DHH: variants seen among roughly 807,000 people sequenced by gnomAD.
The protein encoded by DHH is desert hedgehog signaling molecule, also known as desert hedgehog protein.
Under a neutral mutation model 27.6 loss-of-function variants are expected in DHH, and 16 were observed. The ratio of observed to expected loss-of-function variants is 0.58; its 90% CI spans 0.39 to 0.88. The LOEUF is 0.88. Among genes scored for constraint, DHH ranks in the 40% least tolerant of loss-of-function variants. DHH has a pLI of 0.00. For missense variants in DHH, 436 were observed against 563.1 expected (o/e 0.77, Z 2.28); for synonymous variants, 289 against 263.4 (o/e 1.10, Z -0.94).
chr12:49,089,731 C>A lies in DHH; in HGVS notation c.*128G>T. The A allele has an allele frequency of 3.1e-6, 4 of 1,305,962 alleles. No homozygotes were observed. Among genetic ancestry groups the A allele is most frequent in the African/African-American group, 1.5e-5 (1 of 66,280 alleles). The allele number at this position is 1,305,962 out of a possible 1,614,324, so 80.9% of individuals were successfully genotyped here. On this transcript the variant is annotated 3_prime_UTR_variant, in exon 3 of 3. Coordinates refer to ENST00000649637, the MANE Select transcript of DHH (RefSeq NM_021044.4). ...GAGGTTGCCCCTAAGCCAGGCATAGCCCCATTTTCTCCCTCCCCCTCCCTC... is the reference window on the plus strand; with the variant it reads ...GAGGTTGCCCCTAAGCCAGGCATAGACCCATTTTCTCCCTCCCCCTCCCTC...
rs780967031 is a variant in DHH at position 49,094,426 on chromosome 12, C to A, written c.87G>T (p.Pro29=). 6.2e-7 allele frequency: 1 copy of A among 1,606,064 alleles called. No homozygotes were observed. The highest frequency in any genetic ancestry group is 8.5e-7 in the Non-Finnish European group (1 of 1,176,714). ...PAQSCGPGRG[P]VGRRRYARKQ... is the part of the protein sequence containing the mutation. ...TGCGCGCATAGCGGCGCCGGCCAAC[C>A]GGCCCCCGGCCCGGCCCGCAGCTCT... The change falls in exon 1 of 3, where the codon CCG becomes CCT. Residue 29 remains proline (P), a synonymous_variant. Transcript: ENST00000649637.
chr12:49,091,188 C>T lies in DHH; in HGVS notation c.505G>A (p.Ala169Thr). 6.2e-7 allele frequency: 1 copy of T among 1,614,232 alleles called. No homozygotes were observed. Among genetic ancestry groups the T allele is most frequent in the Non-Finnish European group, 8.5e-7 (1 of 1,180,038 alleles). Reference protein sequence around the residue: ...YGLLARLAVEAGFDWVYYESR... With the variant: ...YGLLARLAVETGFDWVYYESR... Reference sequence around the variant, plus strand: ...TCGTAGTAGACCCAGTCGAAGCCGGCTTCCACTGCGAGGCGCGCCAGCAAC... The same window carrying T: ...TCGTAGTAGACCCAGTCGAAGCCGGTTTCCACTGCGAGGCGCGCCAGCAAC... The change falls in exon 2 of 3, where the codon GCC becomes ACC. Residue 169 changes from alanine to threonine, a missense_variant. Coordinates refer to ENST00000649637, the MANE Select transcript of DHH (RefSeq NM_021044.4). The surrounding 1 kb of genome is among the most constrained non-coding windows in gnomAD (Gnocchi z 4.8).
In DHH at chr12:49,091,281, C is replaced by G; in HGVS notation, c.412G>C (p.Asp138His). Residue 138 changes from aspartate to histidine, a missense_variant, in exon 2 of 3, where the codon GAT (aspartate) becomes CAT (histidine). Asp to His is a moderately conservative substitution (Grantham distance 81, BLOSUM62 -1). Transcript: ENST00000649637. The surrounding 1 kb of genome is among the most constrained non-coding windows in gnomAD (Gnocchi z 4.8). ...GWDEDGHHAQ[D>H]SLHYEGRALD... ...GCACGGCCTTCGTAGTGGAGTGAAT[C>G]CTGAGCGTGGTGGCCGTCCTCGTCC... is the stretch of plus-strand genomic sequence containing the variant. 1 of 1,614,210 alleles carries G rather than the reference C, an allele frequency of 6.2e-7. No homozygotes were observed. Among genetic ancestry groups the G allele is most frequent in the Non-Finnish European group, 8.5e-7 (1 of 1,180,036 alleles).
chr12:49,091,118 C>G lies in DHH; in HGVS notation c.565+10G>C. On this transcript the variant is annotated intron_variant, in intron 2 of 2. Transcript: ENST00000649637. This position sits in a 1 kb window ranked among gnomAD's most constrained non-coding sequence, Gnocchi z 4.8. The stretch of plus-strand genomic sequence containing the variant: ...TTTGGGCGGATTTTACCACCCTCCT[C>G]CTACTGTACCAGCTTTGACCGACAC... The G allele has an allele frequency of 6.2e-7, 1 of 1,614,244 alleles. No homozygotes were observed. The highest frequency in any genetic ancestry group is 1.1e-5 in the South Asian group (1 of 91,090).
rs573270585 is a variant in DHH at position 49,088,391 on chromosome 12, A to C, written c.*1468T>G. On this transcript the variant is annotated 3_prime_UTR_variant, in exon 3 of 3. Coordinates refer to ENST00000649637, the MANE Select transcript of DHH (RefSeq NM_021044.4). ...TCTGAGACCGCTTGCCTTCCGTTTCAGAGAACCATATGCATAGGCCTAGAA... is the reference window on the plus strand; with the variant it reads ...TCTGAGACCGCTTGCCTTCCGTTTCCGAGAACCATATGCATAGGCCTAGAA... Among the ~76,000 whole-genome samples the C allele has an allele frequency of 6.6e-6, 1 of 152,264 alleles. No individual in the cohort carries two copies. Among genetic ancestry groups the C allele is most frequent in the East Asian group, 1.9e-4 (1 of 5,180 alleles).
rs750761379 is a variant in DHH, at chr12:49,091,369, G to A, written c.324C>T (p.Asn108=). 1.2e-6 allele frequency: 2 copies of A among 1,614,190 alleles called. No homozygotes were observed. Among genetic ancestry groups the A allele is most frequent in the East Asian group, 2.2e-5 (1 of 44,884 alleles). ...LMTERCKERV[N]ALAIAVMNMW... ...TGTTCATCACGGCAATGGCCAAAGC[G>A]TTCACCCGCTCCTTACAACGCTGGC... Residue 108 remains asparagine (N), a synonymous_variant, in exon 2 of 3, where the codon AAC becomes AAT. Coordinates refer to ENST00000649637, the MANE Select transcript of DHH (RefSeq NM_021044.4). This position sits in a 1 kb window ranked among gnomAD's most constrained non-coding sequence, Gnocchi z 4.8.
At chr12:49,092,428 C>G (rs909596163) in intron 1 of DHH, 12 of 152,272 alleles carry the variant, frequency 7.9e-5, no homozygotes, top group African/African-American at 2.7e-4. Flanking sequence ...CCGCTCCAGC[C>G]TGGGAGCGGG....
rs117527954 is a variant in DHH, at chr12:49,091,150, G to A, written c.543C>T (p.His181=). 0.011 allele frequency: 17,450 copies of A among 1,614,248 alleles called. 139 individuals are homozygous for A. Among genetic ancestry groups the A allele is most frequent in the South Asian group, 0.025 (2,286 of 91,082 alleles). Residue 181 remains histidine, a synonymous_variant, in exon 2 of 3, where the codon CAC becomes CAT. Transcript: ENST00000649637. This position sits in a 1 kb window ranked among gnomAD's most constrained non-coding sequence, Gnocchi z 4.8. ...TACCAGCTTTGACCGACACGTGGAC[G>A]TGGTTGCGGGACTCGTAGTAGACCC... The part of the protein sequence containing the change: ...FDWVYYESRN[H]VHVSVKADNS...
At position 49,090,170 on chromosome 12, in the gene DHH, G is replaced by T; in HGVS notation, c.880C>A (p.Leu294Ile). 2 of 1,545,238 alleles carry T rather than the reference G, an allele frequency of 1.3e-6. No homozygotes were observed. The highest frequency in any genetic ancestry group is 2.4e-5 in the South Asian group (2 of 83,824). The change falls in exon 3 of 3, where the codon CTA (leucine) becomes ATA (isoleucine). Residue 294 changes from leucine to isoleucine, a missense_variant. By Grantham distance (5) the Leu-to-Ile change is conservative. Transcript: ENST00000649637. This position sits in a 1 kb window ranked among gnomAD's most constrained non-coding sequence, Gnocchi z 5.2. ...GCCAGCACCGAGTCCCCAGCGCGTA[G>T]CCGGCGCGCGAACACCGGTGCAAAG... The part of the protein sequence containing the change: ...GDFAPVFARR[L>I]RAGDSVLAPG...
chr12:49,094,148 T>A (rs879467124), intron 1 of DHH, 62 bp downstream of exon 1: 2 of 1,589,524 alleles, frequency 1.3e-6, no homozygotes, highest in Non-Finnish European at 1.7e-6. Flanking sequence ...CCACCTGGGC[T>A]GCCATAGGAA....
Position 49,094,588 on chromosome 12 carries a change from G to T in DHH, c.-76C>A. ...TCCTGTCAGTTAGGCATCTCCACAG[G>T]CACCAGAGAGGGCAGCAGGCACAGC... On this transcript the variant is annotated 5_prime_UTR_variant, in exon 1 of 3. Coordinates refer to ENST00000649637, the MANE Select transcript of DHH (RefSeq NM_021044.4). The T allele has an allele frequency of 2.0e-6, 3 of 1,488,314 alleles. No homozygotes were observed. Among genetic ancestry groups the T allele is most frequent in the Admixed American group, 2.0e-5 (1 of 50,890 alleles). 92.2% of individuals were successfully genotyped at this position (1,488,314 alleles called of 1,614,324 possible). A position where few individuals can be genotyped will look rare whatever the true frequency, so the allele number is the denominator to read the frequency against.
rs1329430540 is a variant in DHH at position 49,090,430 on chromosome 12, C to T, written c.620G>A (p.Arg207His). 1 of 1,608,982 alleles carries T rather than the reference C, an allele frequency of 6.2e-7. No individual in the cohort carries two copies. The highest frequency in any genetic ancestry group is 8.5e-7 in the Non-Finnish European group (1 of 1,179,538). The change falls in exon 3 of 3, where the codon CGC becomes CAC. Residue 207 changes from arginine to histidine, a missense_variant. Coordinates refer to ENST00000649637, the MANE Select transcript of DHH (RefSeq NM_021044.4). The surrounding 1 kb of genome is among the most constrained non-coding windows in gnomAD (Gnocchi z 5.2). ...GGCFPGNATVRLWSGERKGLR... is the reference protein window; with the variant it reads ...GGCFPGNATVHLWSGERKGLR... ...CCCTTTCCGCTCGCCGCTCCACAGG[C>T]GCACAGTTGCATTTCCCGGAAAGCA...
rs1315428470 is a variant in DHH, at chr12:49,088,997, G to GA, written c.*861dup. ...CATCAGTTGGCCCAGTGGCATATCA[G>GA]AAAAAACATCCACCCCATCCAGGCC... is the stretch of plus-strand genomic sequence containing the variant. On this transcript the variant is annotated 3_prime_UTR_variant, in exon 3 of 3. Transcript: ENST00000649637. Among the ~76,000 whole-genome samples, 2 of 152,304 alleles carry GA rather than the reference G, an allele frequency of 1.3e-5. No individual in the cohort carries two copies. Among genetic ancestry groups the GA allele is most frequent in the East Asian group, 3.9e-4 (2 of 5,190 alleles).
Position 49,090,397 on chromosome 12 carries a change from T to G in DHH, c.653A>C (p.Glu218Ala). ...LWSGERKGLR[E>A]LHRGDWVLAA... ...CAAAACCCAGTCTCCGCGGTGCAGTTCCCGCAGCCCTTTCCGCTCGCCGCT... is the reference window on the plus strand; with the variant it reads ...CAAAACCCAGTCTCCGCGGTGCAGTGCCCGCAGCCCTTTCCGCTCGCCGCT... Residue 218 changes from glutamate to alanine, a missense_variant, in exon 3 of 3, where the codon GAA becomes GCA. By Grantham distance (107) the Glu-to-Ala change is moderately radical. Coordinates refer to ENST00000649637, the MANE Select transcript of DHH (RefSeq NM_021044.4). This position sits in a 1 kb window ranked among gnomAD's most constrained non-coding sequence, Gnocchi z 5.2. The G allele has an allele frequency of 6.2e-7, 1 of 1,609,858 alleles. No individual in the cohort carries two copies. The highest frequency in any genetic ancestry group is 2.2e-5 in the East Asian group (1 of 44,788).
rs1939278799 is a variant in DHH at position 49,090,438 on chromosome 12, T to C, written c.612A>G (p.Ala204=). 6.2e-7 allele frequency: 1 copy of C among 1,608,484 alleles called. No individual in the cohort carries two copies. Among genetic ancestry groups the C allele is most frequent in the Non-Finnish European group, 8.5e-7 (1 of 1,179,696 alleles). Residue 204 remains alanine, a synonymous_variant, in exon 3 of 3, where the codon GCA becomes GCG. Transcript: ENST00000649637. This position sits in a 1 kb window ranked among gnomAD's most constrained non-coding sequence, Gnocchi z 5.2. ...VRAGGCFPGN[A]TVRLWSGERK... The stretch of plus-strand genomic sequence containing the variant: ...GCTCGCCGCTCCACAGGCGCACAGT[T>C]GCATTTCCCGGAAAGCAGCCGCCCG...
rs958890753 is a variant in DHH at position 49,089,622 on chromosome 12, G to A, written c.*237C>T. 4.9e-6 allele frequency: 2 copies of A among 405,944 alleles called. No homozygotes were observed. The highest frequency in any genetic ancestry group is 8.6e-6 in the Non-Finnish European group (2 of 231,746). The allele number at this position is 405,944 out of a possible 1,614,324, so 25.1% of individuals were successfully genotyped here. ...ATTATCGGGTGGGGCTGAAGCACTG[G>A]GGGAGAGGCTAAATAGTCCTCTTTA... On this transcript the variant is annotated 3_prime_UTR_variant, in exon 3 of 3. Transcript: ENST00000649637.
chr12:49,090,017 C>T lies in DHH; in HGVS notation c.1033G>A (p.Ala345Thr). Residue 345 changes from alanine (A) to threonine (T), a missense_variant, in exon 3 of 3, where the codon GCG becomes ACG. Physicochemically the swap from Ala to Thr is moderately conservative, Grantham distance 58. Transcript: ENST00000649637. This position sits in a 1 kb window ranked among gnomAD's most constrained non-coding sequence, Gnocchi z 5.2. ...GCCCACTGGTGACTCTCCAGAACCG[C>T]GTAGCAAGAGGCCAGGACATCGTTC... ...LVNDVLASCY[A>T]VLESHQWAHR... 6 of 1,558,800 alleles carry T rather than the reference C, an allele frequency of 3.8e-6. No homozygotes were observed. The highest frequency in any genetic ancestry group is 5.2e-6 in the Non-Finnish European group (6 of 1,152,986).
At position 49,090,117 on chromosome 12, in the gene DHH, C is replaced by A; in HGVS notation, c.933G>T (p.Ala311=). Residue 311 remains alanine (A), a synonymous_variant, in exon 3 of 3, where the codon GCG becomes GCT. Coordinates refer to ENST00000649637, the MANE Select transcript of DHH (RefSeq NM_021044.4). The surrounding 1 kb of genome is among the most constrained non-coding windows in gnomAD (Gnocchi z 5.2). ...LAPGGDALRP[A]RVARVAREEA... is the part of the protein sequence containing the mutation. ...CCTCCCGCGCCACACGGGCCACGCG[C>A]GCTGGCCGAAGCGCATCCCCGCCGG... 6.6e-7 allele frequency: 1 copy of A among 1,509,016 alleles called. No individual in the cohort carries two copies. The highest frequency in any genetic ancestry group is 8.9e-7 in the Non-Finnish European group (1 of 1,129,816). 93.5% of individuals were successfully genotyped at this position (1,509,016 alleles called of 1,614,324 possible). A position where few individuals can be genotyped will look rare whatever the true frequency, so the allele number is the denominator to read the frequency against.
chr12:49,090,045 C>A lies in DHH; in HGVS notation c.1005G>T (p.Leu335=). The A allele has an allele frequency of 6.5e-7, 1 of 1,545,228 alleles. No homozygotes were observed. The highest frequency in any genetic ancestry group is 2.5e-5 in the East Asian group (1 of 40,354). The change falls in exon 3 of 3, where the codon CTG becomes CTT. Residue 335 remains leucine (L), a synonymous_variant. Transcript: ENST00000649637. This position sits in a 1 kb window ranked among gnomAD's most constrained non-coding sequence, Gnocchi z 5.2. ...AGCAAGAGGCCAGGACATCGTTCAC[C>A]AGCAGCGTCCCGTGCGCGGTGAGCG... ...FAPLTAHGTL[L]VNDVLASCYA...
Sources: allele counts gnomAD v4.1 joint callset (sites outside exome capture counted in the v4.1 genomes callset), GRCh38; gene constraint gnomAD v4.1.1; non-coding constraint Gnocchi (gnomAD v3.1); transcripts MANE v1.5; gene names NCBI Gene and HGNC (gene_info 2026-07-23, HGNC 2026-07-21).